Variants in MME observed in about 807,000 individuals in gnomAD.
MME encodes the protein membrane metalloendopeptidase.
MME carries 98 observed loss-of-function variants against 113.2 expected under a neutral mutation model. The observed-to-expected ratio is 0.87, with a 90% CI of 0.74 to 1.02. The LOEUF is 1.02. MME is among the 50% of genes least tolerant of loss of function. The probability of loss-of-function intolerance (pLI) is 0.00; values close to 1 mark genes in which losing one functional copy is unlikely to be tolerated. For synonymous variants in MME, 292 were observed against 300.6 expected (o/e 0.97, Z 0.30); for missense variants, 836 against 896.0 (o/e 0.93, Z 0.86).
At chr3:155,075,406 G>C (rs920711599), upstream of MME, among the ~76,000 whole-genome samples, 1 of 152,008 alleles carries the variant, frequency 6.6e-6, no homozygotes, top group South Asian at 2.1e-4. Context: ...GGAGAATTTG[G>C]TCCAATTATA....
chr3:155,086,221 C>T (rs1715712972), intron 3 of MME, among the ~76,000 whole-genome samples: 1 of 152,046 alleles, frequency 6.6e-6, no homozygotes, highest in Non-Finnish European at 1.5e-5. Context: ...CTCAGTAGAA[C>T]TGACTTGCTA....
intron 1 of MME, among the ~76,000 whole-genome samples, chr3:155,064,342 T>C (rs1197402986): frequency 1.3e-5 from 2 of 152,098 alleles, no homozygotes; most frequent in Admixed American, 6.6e-5. Flanking sequence ...ATGTAAGCAC[T>C]GTTCTAACCC....
intron 4 of MME, 28 bp from the exon 5 acceptor site, chr3:155,116,451 A>G: frequency 1.4e-6 from 2 of 1,463,388 alleles, no homozygotes; most frequent in African/African-American, 1.4e-5. Context: ...AATTATGTTG[A>G]TGCATTTTAT....
intron 1 of MME, among the ~76,000 whole-genome samples, chr3:155,037,411 T>C (rs1019475209): frequency 7.9e-5 from 12 of 152,174 alleles, no homozygotes; most frequent in Admixed American, 1.3e-4. Flanking sequence ...TTTGCCCCTG[T>C]TGGAAGAGAC....
intron 1 of MME, among the ~76,000 whole-genome samples, chr3:155,057,117 G>T (rs1210945549): frequency 2.0e-5 from 3 of 152,110 alleles, no homozygotes; most frequent in Non-Finnish European, 4.4e-5. Flanking sequence ...AAACTAAAGA[G>T]CTTCTGCACA....
At chr3:155,168,688 G>A in intron 19 of MME, 44 bp from the exon 20 acceptor site, 1 of 1,611,858 alleles carries the variant, frequency 6.2e-7, no homozygotes. Context: ...TATTATTGGT[G>A]GTTTCTTTTT....
Position 155,181,214 on chromosome 3 carries a change from TA to T in MME, c.*757del, listed in dbSNP as rs1020875905. ...ATGTAAAAATAATAATTTTTATATT[TA>T]ATTATTAACTACATTTATGAGTAAC... On this transcript the variant is annotated 3_prime_UTR_variant, in exon 23 of 23. Coordinates refer to ENST00000360490, the MANE Select transcript of MME (RefSeq NM_007289.4). 1 of 151,954 alleles carries T rather than the reference TA, an allele frequency of 6.6e-6. No homozygotes were observed. Among genetic ancestry groups the T allele is most frequent in the Non-Finnish European group, 1.5e-5 (1 of 67,978 alleles). 9.4% of individuals were successfully genotyped at this position (151,954 alleles called of 1,614,324 possible).
intron 1 of MME, among the ~76,000 whole-genome samples, chr3:155,064,741 T>C (rs1433322518): frequency 1.3e-5 from 2 of 152,180 alleles, no homozygotes; most frequent in East Asian, 3.9e-4. Context: ...GTGCAACTGG[T>C]GCTTAGAACA....
chr3:155,154,676 A>G (rs1722185985), intron 16 of MME, among the ~76,000 whole-genome samples: 1 of 152,180 alleles, frequency 6.6e-6, no homozygotes, highest in Admixed American at 6.5e-5. Flanking sequence ...CCACTTCACT[A>G]ATGTTTCTAG....
chr3:155,181,990 A>T lies in MME; in HGVS notation c.*1531A>T, dbSNP rs1344357028. The T allele has an allele frequency of 6.6e-6, 1 of 152,196 alleles. No homozygotes were observed. 9.4% of individuals were successfully genotyped at this position (152,196 alleles called of 1,614,324 possible). On this transcript the variant is annotated 3_prime_UTR_variant, in exon 23 of 23. Transcript: ENST00000360490. ...ATAAAGCATAAGTATACAGTTCAAT[A>T]AACTTAACTTTAACTGAACAATGGC...
chr3:155,171,474 C>T (rs1711964225), intron 20 of MME, among the ~76,000 whole-genome samples: 1 of 152,054 alleles, frequency 6.6e-6, no homozygotes, highest in South Asian at 2.1e-4. Context: ...TAGAGGAAAA[C>T]TCATTTTTTT....
chr3:155,067,300 C>CTTTTTTTTTTTTTT (rs576443367), intron 1 of MME, among the ~76,000 whole-genome samples: 4 of 92,072 alleles, frequency 4.3e-5, no homozygotes, highest in Non-Finnish European at 8.8e-5. Flanking sequence ...ATTTATTTTC[C>CTTTTTTTTTTTTTT]TTTTTTTTTT....
chr3:155,072,291 C>T lies in MME; in HGVS notation c.-10-11867C>T, dbSNP rs1265930902. 5.3e-5 allele frequency among the ~76,000 whole-genome samples: 8 copies of T among 152,124 alleles called. No individual in the cohort carries two copies. In the East Asian group the frequency reaches 1.3e-3, roughly 26 times the overall value. On this transcript the variant is annotated intron_variant, in intron 1 of 22. Transcript: ENST00000492661. The stretch of plus-strand genomic sequence containing the variant: ...AACACAGGCATTATAACGGACACTC[C>T]GACTTTATTGCTCCACTGCACAAAA...
At chr3:155,111,971 G>A (rs965443720) in intron 3 of MME, among the ~76,000 whole-genome samples, 1 of 151,952 alleles carries the variant, frequency 6.6e-6, no homozygotes, top group Non-Finnish European at 1.5e-5. Flanking sequence ...TATGTATTTA[G>A]GATCTTTATT....
intron 3 of MME, among the ~76,000 whole-genome samples, chr3:155,106,501 T>C (rs1383389537): frequency 6.6e-6 from 1 of 152,214 alleles, no homozygotes; most frequent in Non-Finnish European, 1.5e-5. Context: ...GTCTACGTGC[T>C]TGCTAGTTTT....
intron 3 of MME, among the ~76,000 whole-genome samples, chr3:155,109,684 TA>T (rs1205358549): frequency 6.6e-6 from 1 of 152,096 alleles, no homozygotes; most frequent in Non-Finnish European, 1.5e-5. Context: ...TAGAAAACCT[TA>T]AAAAAATGTC....
chr3:155,104,739 C>T (rs1176041997), intron 3 of MME, among the ~76,000 whole-genome samples: 1 of 152,126 alleles, frequency 6.6e-6, no homozygotes, highest in Non-Finnish European at 1.5e-5. Flanking sequence ...AAGAGTGTTA[C>T]TAAGGGAACA....
intron 1 of MME, among the ~76,000 whole-genome samples, chr3:155,053,088 T>C (rs1379515846): frequency 6.6e-6 from 1 of 152,316 alleles, no homozygotes; most frequent in Non-Finnish European, 1.5e-5. Flanking sequence ...TTGATATTAC[T>C]ATCAGCATTT....
rs368004268 is a variant in MME, at chr3:155,166,834, C to G, written c.1661-68C>G. 2.6e-5 allele frequency: 42 copies of G among 1,599,690 alleles called. No homozygotes were observed. In the African/African-American group the frequency reaches 5.0e-4, roughly 19 times the overall value. On this transcript the variant is annotated intron_variant, in intron 17 of 22. Transcript: ENST00000360490. ...GCTACTCCTGAGGAGGGAGGACTGT[C>G]TCTAAGAAAATAAAAATTTTAAAAA...
Sources: allele counts gnomAD v4.1 joint callset (sites outside exome capture counted in the v4.1 genomes callset), GRCh38; gene constraint gnomAD v4.1.1; transcripts MANE v1.5; gene names NCBI Gene and HGNC (gene_info 2026-07-23, HGNC 2026-07-21).